Variants in MACROD2 observed in about 807,000 individuals in gnomAD.
MACROD2 encodes ADP-ribose glycohydrolase MACROD2.
A neutral mutation model predicts 70.4 loss-of-function variants in MACROD2; 36 were observed. The ratio of observed to expected loss-of-function variants is 0.51; its 90% CI spans 0.39 to 0.68. MACROD2 has a LOEUF of 0.68. MACROD2 is among the 30% of genes least tolerant of loss of function. MACROD2 has a pLI of 0.00. For missense variants in MACROD2, 496 were observed against 538.4 expected, an observed-to-expected ratio of 0.92 and a Z score of 0.78; for synonymous variants, 172 against 178.8, an observed-to-expected ratio of 0.96 and a Z score of 0.30.
At chr20:14,864,902 A>G (rs1299831415) in intron 5 of MACROD2, among the ~76,000 whole-genome samples, 1 of 152,154 alleles carries the variant, frequency 6.6e-6, no homozygotes, top group African/African-American at 2.4e-5. Flanking sequence ...TAGGGTATAT[A>G]GGAGTTAAGT....
chr20:14,026,591 C>T (rs2053170070), intron 2 of MACROD2, among the ~76,000 whole-genome samples: 1 of 152,138 alleles, frequency 6.6e-6, no homozygotes, highest in Non-Finnish European at 1.5e-5. Context: ...TTTATTTCTC[C>T]TTCACTTATG....
chr20:14,829,787 G>A (rs1303867134), intron 5 of MACROD2, among the ~76,000 whole-genome samples: 1 of 151,996 alleles, frequency 6.6e-6, no homozygotes, highest in Non-Finnish European at 1.5e-5. Context: ...TTGTTTCATT[G>A]AATCAATTAT....
At chr20:15,234,842 C>A (rs371940077) in intron 6 of MACROD2, among the ~76,000 whole-genome samples, 1 of 152,002 alleles carries the variant, frequency 6.6e-6, no homozygotes, top group Non-Finnish European at 1.5e-5. Flanking sequence ...AATATCACCA[C>A]GCACTGATGG....
intron 3 of MACROD2, among the ~76,000 whole-genome samples, chr20:14,361,614 A>C (rs1392830800): frequency 6.6e-6 from 1 of 152,216 alleles, no homozygotes; most frequent in Non-Finnish European, 1.5e-5. Flanking sequence ...TAAATACCAG[A>C]GATTTCAGTC....
intron 5 of MACROD2, among the ~76,000 whole-genome samples, chr20:15,193,531 C>A (rs1294016747): frequency 6.6e-6 from 1 of 151,950 alleles, no homozygotes; most frequent in Non-Finnish European, 1.5e-5. Flanking sequence ...ACCTGTAGTC[C>A]CAGCTACTTG....
chr20:15,766,359 T>C (rs1404995928), intron 8 of MACROD2, among the ~76,000 whole-genome samples: 1 of 152,244 alleles, frequency 6.6e-6, no homozygotes, highest in African/African-American at 2.4e-5. Flanking sequence ...GAGGTTCTCT[T>C]TGCTTTTCTA....
intron 5 of MACROD2, among the ~76,000 whole-genome samples, chr20:14,831,265 C>T (rs1335958902): frequency 6.6e-6 from 1 of 152,126 alleles, no homozygotes; most frequent in African/African-American, 2.4e-5. Context: ...TATATCTGCA[C>T]TGCCTTTTGT....
At chr20:14,057,203 A>G (rs1015403100) in intron 2 of MACROD2, among the ~76,000 whole-genome samples, 5 of 152,176 alleles carry the variant, frequency 3.3e-5, no homozygotes, top group African/African-American at 9.6e-5. Context: ...TCAGTACTTT[A>G]TAATCTTGAA....
intron 3 of MACROD2, among the ~76,000 whole-genome samples, chr20:14,392,298 T>C (rs2083535027): frequency 6.6e-6 from 1 of 152,128 alleles, no homozygotes; most frequent in Admixed American, 6.5e-5. Context: ...CTCTCCGTTC[T>C]TTCCTCCTTC....
rs76334934 is a variant in MACROD2, at chr20:14,319,237, A to G, written c.272-174242A>G. On this transcript the variant is annotated intron_variant, in intron 3 of 17. Transcript: ENST00000684519. Reference sequence around the variant, plus strand: ...CATACCAACTCATTCCATCTCTCTCAGTGACTTTGTTCTCCTAGCTAGTGA... The same window carrying G: ...CATACCAACTCATTCCATCTCTCTCGGTGACTTTGTTCTCCTAGCTAGTGA... Among the ~76,000 whole-genome samples, 1,113 of 152,184 alleles carry G rather than the reference A, an allele frequency of 7.3e-3. 15 individuals are homozygous for G. Among genetic ancestry groups the G allele is most frequent in the African/African-American group, 0.026 (1,063 of 41,514 alleles).
chr20:15,072,792 TAAATC>T (rs975427506), intron 5 of MACROD2, among the ~76,000 whole-genome samples: 5 of 152,118 alleles, frequency 3.3e-5, no homozygotes, highest in Admixed American at 6.6e-5. Flanking sequence ...TAAAAAAGAA[TAAATC>T]AAATAGTAAA....
At chr20:14,411,013 A>C (rs1350749377) in intron 3 of MACROD2, among the ~76,000 whole-genome samples, 1 of 152,170 alleles carries the variant, frequency 6.6e-6, no homozygotes, top group African/African-American at 2.4e-5. Flanking sequence ...GGTCACTCTC[A>C]TGGATCCCTT....
chr20:15,028,832 A>C (rs2075253020), intron 5 of MACROD2, among the ~76,000 whole-genome samples: 1 of 152,174 alleles, frequency 6.6e-6, no homozygotes, highest in Admixed American at 6.5e-5. Context: ...ACTAGAAAAA[A>C]AAATGTTTGT....
intron 3 of MACROD2, among the ~76,000 whole-genome samples, chr20:14,455,585 G>T (rs1412888571): frequency 6.6e-6 from 1 of 151,838 alleles, no homozygotes; most frequent in Non-Finnish European, 1.5e-5. Context: ...ATCCACAAAA[G>T]ATGTAAACAG....
At chr20:15,201,420 A>G (rs145409731) in intron 5 of MACROD2, among the ~76,000 whole-genome samples, 4 of 152,358 alleles carry the variant, frequency 2.6e-5, no homozygotes, top group Admixed American at 1.3e-4. Flanking sequence ...CTAATGCCAT[A>G]TGGATAAACA....
At chr20:15,041,429 A>G (rs749410216) in intron 5 of MACROD2, among the ~76,000 whole-genome samples, 1 of 152,012 alleles carries the variant, frequency 6.6e-6, no homozygotes, top group African/African-American at 2.4e-5. Context: ...TGATTTTTTT[A>G]AATTAATTTC....
chr20:15,007,233 G>A (rs1049595416), intron 5 of MACROD2, among the ~76,000 whole-genome samples: 15 of 151,900 alleles, frequency 9.9e-5, no homozygotes, highest in East Asian at 3.9e-4. Context: ...GCATGGTGGC[G>A]GGTGCCTGTA....
chr20:15,075,367 T>C lies in MACROD2; in HGVS notation c.419-154573T>C, dbSNP rs1056715741. 3.9e-5 allele frequency among the ~76,000 whole-genome samples: 6 copies of C among 152,212 alleles called. No individual in the cohort carries two copies. The East Asian group carries it at 7.7e-4, about 20-fold the overall frequency. On this transcript the variant is annotated intron_variant, in intron 5 of 17. Coordinates refer to ENST00000684519, the MANE Select transcript of MACROD2 (RefSeq NM_001351661.2). ...TCATTTGGTCAGAAAACTAAAGGCA[T>C]TTAATGTTAGAGAATAAATTACATT...
intron 3 of MACROD2, among the ~76,000 whole-genome samples, chr20:14,374,582 T>G (rs1470739543): frequency 6.6e-6 from 1 of 152,176 alleles, no homozygotes; most frequent in Non-Finnish European, 1.5e-5. Flanking sequence ...GAGATATTCT[T>G]TTTCTGATAG....
Sources: allele counts gnomAD v4.1 joint callset (sites outside exome capture counted in the v4.1 genomes callset), GRCh38; gene constraint gnomAD v4.1.1; transcripts MANE v1.5; gene names NCBI Gene and HGNC (gene_info 2026-07-23, HGNC 2026-07-21).